Variants in RABGAP1L observed in about 807,000 individuals in gnomAD.
The protein encoded by RABGAP1L is RAB GTPase activating protein 1 like, also known as rab GTPase-activating protein 1-like.
RABGAP1L carries 63 observed loss-of-function variants against 137.7 expected under a neutral mutation model. The observed-to-expected ratio is 0.46, with a 90% CI of 0.37 to 0.56. The LOEUF (loss-of-function observed/expected upper bound fraction) is 0.56, where lower values mean the gene tolerates loss of function less well. Ranked by LOEUF, RABGAP1L falls within the 20% of genes least tolerant of loss-of-function variation. The pLI is 0.00. For synonymous variants in RABGAP1L, 431 were observed against 433.7 expected (o/e 0.99, Z 0.08); for missense variants, 1,095 against 1,244.0 (o/e 0.88, Z 1.80).
chr1:174,635,391 G>A (rs528140926), intron 13 of RABGAP1L, among the ~76,000 whole-genome samples: 121 of 152,146 alleles, frequency 8.0e-4, no homozygotes, highest in Non-Finnish European at 1.3e-3. Flanking sequence ...TCGGAAGAGA[G>A]CTCTTCTGTT....
At chr1:174,298,421 T>A (rs1307537091) in intron 10 of RABGAP1L, among the ~76,000 whole-genome samples, 1 of 152,256 alleles carries the variant, frequency 6.6e-6, no homozygotes, top group African/African-American at 2.4e-5. Context: ...GATACTGATG[T>A]GGCCTTTATC....
intron 3 of RABGAP1L, among the ~76,000 whole-genome samples, chr1:174,224,385 G>C (rs184803582): frequency 2.7e-4 from 41 of 152,226 alleles, no homozygotes; most frequent in Non-Finnish European, 4.4e-4. Context: ...CAGGAGAATG[G>C]CTTGAACCCA....
At chr1:174,689,766 G>C (rs1215065221) in intron 15 of RABGAP1L, among the ~76,000 whole-genome samples, 1 of 152,066 alleles carries the variant, frequency 6.6e-6, no homozygotes, top group African/African-American at 2.4e-5. Context: ...CATTCTAATT[G>C]TCACAGCCCA....
intron 7 of RABGAP1L, among the ~76,000 whole-genome samples, chr1:174,258,189 AT>A (rs1308468476): frequency 1.3e-5 from 2 of 152,220 alleles, no homozygotes; most frequent in African/African-American, 4.8e-5. Context: ...ATTTCATTGG[AT>A]TAAATGTGGT....
chr1:174,948,003 C>A (rs550627544), intron 19 of RABGAP1L, among the ~76,000 whole-genome samples: 1 of 152,124 alleles, frequency 6.6e-6, no homozygotes, highest in South Asian at 2.1e-4. Context: ...CAGGCCAATT[C>A]ATAAAAGCTT....
At chr1:174,504,558 G>T (rs1429965827) in intron 13 of RABGAP1L, among the ~76,000 whole-genome samples, 1 of 151,982 alleles carries the variant, frequency 6.6e-6, no homozygotes, top group Non-Finnish European at 1.5e-5. Context: ...AGAAGAGAGG[G>T]CCCAGAAGTA....
intron 17 of RABGAP1L, among the ~76,000 whole-genome samples, chr1:174,747,410 A>G (rs866864904): frequency 3.3e-5 from 5 of 151,532 alleles, no homozygotes; most frequent in Middle Eastern, 3.4e-3. Flanking sequence ...TCTAAAAAAA[A>G]AAAAAAAAAA....
At chr1:174,805,043 T>G (rs761857331) in intron 18 of RABGAP1L, among the ~76,000 whole-genome samples, 1 of 152,268 alleles carries the variant, frequency 6.6e-6, no homozygotes, top group East Asian at 1.9e-4. Flanking sequence ...CCAAAAAATC[T>G]AAAAATCAAT....
chr1:174,311,547 C>A (rs188322908), intron 11 of RABGAP1L, among the ~76,000 whole-genome samples: 10 of 152,266 alleles, frequency 6.6e-5, no homozygotes, highest in South Asian at 4.1e-4. Context: ...CTGTGCCTGG[C>A]TTATTTCACT....
chr1:174,805,941 G>A (rs1435663808), intron 18 of RABGAP1L, among the ~76,000 whole-genome samples: 3 of 152,188 alleles, frequency 2.0e-5, no homozygotes, highest in Admixed American at 2.0e-4. Flanking sequence ...GTTGGGAAAG[G>A]AGTTGCATTT....
chr1:174,198,998 C>T (rs1267147204), intron 1 of RABGAP1L, among the ~76,000 whole-genome samples: 1 of 152,154 alleles, frequency 6.6e-6, no homozygotes, highest in Non-Finnish European at 1.5e-5. Flanking sequence ...ATCCCAGCTA[C>T]TCGGGAGGCT....
At chr1:174,938,660 A>T (rs547424288) in intron 19 of RABGAP1L, 1 of 152,010 alleles carries the variant, frequency 6.6e-6, no homozygotes, top group Non-Finnish European at 1.5e-5. Flanking sequence ...TGGGGGATTT[A>T]TTAGGGAAAA....
intron 23 of RABGAP1L, among the ~76,000 whole-genome samples, chr1:174,981,353 G>C (rs1347568106): frequency 6.6e-6 from 1 of 152,018 alleles, no homozygotes; most frequent in East Asian, 1.9e-4. Flanking sequence ...TCCTACTAAT[G>C]GTTCCTCAGG....
At chr1:174,237,210 T>C (rs1186615964) in intron 4 of RABGAP1L, among the ~76,000 whole-genome samples, 1 of 148,670 alleles carries the variant, frequency 6.7e-6, no homozygotes, top group South Asian at 2.2e-4. Flanking sequence ...CTGATGGGTC[T>C]TGACTCTTTA....
chr1:174,645,657 T>G (rs1674909538), intron 14 of RABGAP1L, among the ~76,000 whole-genome samples: 1 of 152,164 alleles, frequency 6.6e-6, no homozygotes. Context: ...TTTGCTATTG[T>G]GAATAGTGCT....
At chr1:174,456,915 T>TC (rs778648046) in intron 13 of RABGAP1L, among the ~76,000 whole-genome samples, 16 of 152,202 alleles carry the variant, frequency 1.1e-4, no homozygotes, top group Non-Finnish European at 2.4e-4. Flanking sequence ...ATTAACCAGA[T>TC]ATTTTTGCAT....
At chr1:174,903,172 A>G (rs1017368949) in intron 19 of RABGAP1L, among the ~76,000 whole-genome samples, 3 of 152,248 alleles carry the variant, frequency 2.0e-5, no homozygotes, top group African/African-American at 7.2e-5. Context: ...GAAACTTCCT[A>G]GAATTCCAAG....
intron 10 of RABGAP1L, among the ~76,000 whole-genome samples, 153 bp downstream of exon 10, chr1:174,278,932 A>G (rs1455483793): frequency 6.6e-6 from 1 of 152,224 alleles, no homozygotes; most frequent in Non-Finnish European, 1.5e-5. Flanking sequence ...AGTGTTTGAA[A>G]AAGTCACATC....
chr1:174,405,321 A>C (rs937141868), intron 13 of RABGAP1L, among the ~76,000 whole-genome samples: 4 of 152,208 alleles, frequency 2.6e-5, no homozygotes, highest in African/African-American at 9.6e-5. Context: ...ACATTAAGGC[A>C]GTTTATCCTA....
Sources: allele counts gnomAD v4.1 joint callset (sites outside exome capture counted in the v4.1 genomes callset), GRCh38; gene constraint gnomAD v4.1.1; transcripts MANE v1.5; gene names NCBI Gene and HGNC (gene_info 2026-07-23, HGNC 2026-07-21).